The following PISD variants were observed in gnomAD, a reference collection of about 807,000 sequenced individuals.
PISD encodes phosphatidylserine decarboxylase proenzyme, mitochondrial.
Under a neutral mutation model 43.5 loss-of-function variants are expected in PISD, and 31 were observed. The ratio of observed to expected loss-of-function variants is 0.71; its 90% CI spans 0.54 to 0.96. The LOEUF is 0.96. Among genes scored for constraint, PISD ranks in the 40% least tolerant of loss-of-function variants. The pLI, the probability that PISD is intolerant of heterozygous loss-of-function variation, is 0.00. For synonymous variants in PISD, 259 were observed against 228.7 expected (o/e 1.13, Z -1.20); for missense variants, 523 against 548.4 (o/e 0.95, Z 0.46).
chr22:31,621,660 G>C lies in PISD; in HGVS notation c.547C>G (p.Leu183Val). The C allele has an allele frequency of 6.2e-7, 1 of 1,613,620 alleles. No homozygotes were observed. Among genetic ancestry groups the C allele is most frequent in the Non-Finnish European group, 8.5e-7 (1 of 1,179,786 alleles). ...GGGTCAGGCCTCACCACGCTGTGCA[G>C]GCCACAGACAGGCCGGGCCTGCGGC... is the stretch of plus-strand genomic sequence containing the variant. ...LKPQARPVCG[L>V]HSVISPSDGR... is the part of the protein sequence containing the mutation. Residue 183 changes from leucine (L) to valine (V), a missense_variant, in exon 4 of 8, where the codon CTG becomes GTG. Leu to Val is a conservative substitution (Grantham distance 32). Coordinates refer to ENST00000439502, the MANE Select transcript of PISD (RefSeq NM_001326411.2).
intron 3 of PISD, chr22:31,623,871 A>G (rs1234151349): frequency 6.2e-7 from 1 of 1,605,978 alleles, no homozygotes; most frequent in Non-Finnish European, 8.5e-7. Context: ...AGGTCCATGC[A>G]CAGCCAGGTC....
chr22:31,626,304 CG>C (rs1159802259), intron 3 of PISD: 2 of 159,422 alleles, frequency 1.3e-5, no homozygotes, highest in Non-Finnish European at 2.7e-5. Flanking sequence ...TGGCTCCAAA[CG>C]CACAAAGTGG....
chr22:31,650,340 G>A (rs781551030), intron 2 of PISD, among the ~76,000 whole-genome samples: 5 of 151,802 alleles, frequency 3.3e-5, no homozygotes, highest in African/African-American at 2.4e-5. Context: ...TAGCCAGTAT[G>A]CACACAGTCT....
rs2073354211 is a variant in PISD, at chr22:31,634,745, G to GCA, written c.322-12861_322-12860insTG. Among the ~76,000 whole-genome samples the GCA allele has an allele frequency of 4.0e-5, 6 of 148,872 alleles. No homozygotes were observed. The South Asian group carries it at 1.3e-3, about 32-fold the overall frequency. On this transcript the variant is annotated intron_variant, in intron 3 of 7. Coordinates refer to ENST00000439502, the MANE Select transcript of PISD (RefSeq NM_001326411.2). The stretch of plus-strand genomic sequence containing the variant: ...CCCAGCTACTCGGGAGGCTGAGGTG[G>GCA]GAGAATCGCTTGAACCTAGGAAGCA...
chr22:31,661,707 T>TACCTA (rs1197131415), intron 1 of PISD, among the ~76,000 whole-genome samples: 1 of 152,144 alleles, frequency 6.6e-6, no homozygotes, highest in Non-Finnish European at 1.5e-5. Context: ...GTTTTGAGAT[T>TACCTA]ACCTAACCTA....
intron 3 of PISD, among the ~76,000 whole-genome samples, chr22:31,634,368 C>T (rs1313937053): frequency 1.3e-5 from 2 of 152,212 alleles, no homozygotes; most frequent in Non-Finnish European, 2.9e-5. Context: ...TTTCTCTACA[C>T]ACCAGATTCT....
In PISD at chr22:31,621,475, G is replaced by A. The variant is rs1204437436; in HGVS notation, c.559-3C>T. On this transcript the variant is annotated splice_polypyrimidine_tract_variant and splice_region_variant and intron_variant, in intron 4 of 7. Coordinates refer to ENST00000439502, the MANE Select transcript of PISD (RefSeq NM_001326411.2). ...ATCCTTCCATCCGATGGGCTAATCT[G>A]GAAGGGCAGGAGAGGCTTGCTGCCA... The A allele has an allele frequency of 4.3e-6, 7 of 1,613,978 alleles. No homozygotes were observed. Among genetic ancestry groups the A allele is most frequent in the Admixed American group, 1.7e-5 (1 of 60,002 alleles).
rs1200842279 is a variant in PISD at position 31,619,396 on chromosome 22, A to G, written c.*216T>C. Reference sequence around the variant, plus strand: ...GCACTTTTTATTTGTAGGCAGAAGGAACGGGATAGGTTGAGGGGCATGATG... The same window carrying G: ...GCACTTTTTATTTGTAGGCAGAAGGGACGGGATAGGTTGAGGGGCATGATG... On this transcript the variant is annotated 3_prime_UTR_variant, in exon 8 of 8. Transcript: ENST00000439502. The G allele has an allele frequency of 3.1e-5, 20 of 649,642 alleles. No homozygotes were observed. Among genetic ancestry groups the G allele is most frequent in the Non-Finnish European group, 5.4e-5 (19 of 354,046 alleles). 40.2% of individuals were successfully genotyped at this position (649,642 alleles called of 1,614,324 possible). A position where few individuals can be genotyped will look rare whatever the true frequency, so the allele number is the denominator to read the frequency against.
At chr22:31,659,491 G>T (rs567630225) in intron 1 of PISD, among the ~76,000 whole-genome samples, 1 of 152,066 alleles carries the variant, frequency 6.6e-6, no homozygotes, top group Admixed American at 6.6e-5. Flanking sequence ...ACTATTGTCC[G>T]TACTTGCCTG....
At position 31,619,273 on chromosome 22, in the gene PISD, G is replaced by A. The variant is rs544164247; in HGVS notation, c.*339C>T. ...GGGGGGAGGAGCAGCAAGAAAAAAC[G>A]ACAACCGAGACCAACTGAAGGTTCG... is the stretch of plus-strand genomic sequence containing the variant. On this transcript the variant is annotated 3_prime_UTR_variant, in exon 8 of 8. Transcript: ENST00000439502. The A allele has an allele frequency of 4.8e-4, 168 of 349,066 alleles. No individual in the cohort carries two copies. The highest frequency in any genetic ancestry group is 1.0e-3 in the Middle Eastern group (1 of 996). The allele number at this position is 349,066 out of a possible 1,614,324, so 21.6% of individuals were successfully genotyped here.
At chr22:31,657,186 G>A (rs921103700) in intron 1 of PISD, among the ~76,000 whole-genome samples, 3 of 152,154 alleles carry the variant, frequency 2.0e-5, no homozygotes, top group African/African-American at 7.2e-5. Context: ...GCCCAGGCTG[G>A]AGTGCAGTGG....
At chr22:31,655,940 G>C (rs2074158635) in intron 1 of PISD, among the ~76,000 whole-genome samples, 1 of 152,068 alleles carries the variant, frequency 6.6e-6, no homozygotes, top group African/African-American at 2.4e-5. Context: ...CCCAGCCCAG[G>C]ACTCATTTTT....
intron 3 of PISD, chr22:31,625,649 A>T: frequency 7.4e-7 from 1 of 1,351,328 alleles, no homozygotes; most frequent in Non-Finnish European, 1.0e-6. Context: ...TCGGGGGCTG[A>T]CCACCAGTCC....
chr22:31,631,213 C>G (rs1954130816), intron 3 of PISD, among the ~76,000 whole-genome samples: 1 of 152,214 alleles, frequency 6.6e-6, no homozygotes, highest in African/African-American at 2.4e-5. Flanking sequence ...GCAGCTGCCT[C>G]CCCTCCACCA....
chr22:31,659,145 C>T (rs1224611262), intron 1 of PISD, among the ~76,000 whole-genome samples: 3 of 152,106 alleles, frequency 2.0e-5, no homozygotes, highest in African/African-American at 4.8e-5. Context: ...TGAGACACCA[C>T]GCCCAGGCCT....
chr22:31,620,632 C>T lies in PISD; in HGVS notation c.926G>A (p.Gly309Glu). The T allele has an allele frequency of 6.2e-7, 1 of 1,614,230 alleles. No individual in the cohort carries two copies. Among genetic ancestry groups the T allele is most frequent in the Non-Finnish European group, 8.5e-7 (1 of 1,180,040 alleles). The change falls in exon 7 of 8, where the codon GGG (glycine) becomes GAG (glutamate). Residue 309 changes from glycine (G) to glutamate (E), a missense_variant. Physicochemically the swap from Gly to Glu is moderately conservative, Grantham distance 98. Transcript: ENST00000439502. ...TGAGAAGAAGCCATGTTTCCAGTCC[C>T]CCGTCAGGACCACCCGCTCGTTATG... ...FCHNERVVLT[G>E]DWKHGFFSLT...
chr22:31,630,873 G>A lies in PISD; in HGVS notation c.322-8988C>T. 1 of 985,366 alleles carries A rather than the reference G, an allele frequency of 1.0e-6. No homozygotes were observed. Among genetic ancestry groups the A allele is most frequent in the South Asian group, 4.7e-5 (1 of 21,290 alleles). The allele number at this position is 985,366 out of a possible 1,614,324, so 61.0% of individuals were successfully genotyped here. The stretch of plus-strand genomic sequence containing the variant: ...TCCCGGAGCCGGGAAGCCTTGGGGC[G>A]AGTGGGCGGGGCTCGGGCTCCAGCC... On this transcript the variant is annotated intron_variant, in intron 3 of 7. Transcript: ENST00000439502. This position sits in a 1 kb window ranked among gnomAD's most constrained non-coding sequence, Gnocchi z 4.4.
chr22:31,645,220 A>C (rs763552022), intron 3 of PISD, among the ~76,000 whole-genome samples: 47 of 152,186 alleles, frequency 3.1e-4, no homozygotes. Context: ...CTAAAACATA[A>C]ATGAGACCCC....
At chr22:31,621,586 G>A (rs964274611) in intron 4 of PISD, 63 bp downstream of exon 4, 5 of 1,596,200 alleles carry the variant, frequency 3.1e-6, no homozygotes, top group Middle Eastern at 1.7e-4. Context: ...GAGACCAGGG[G>A]GGCTGTGCTG....
Sources: gnomAD v4.1 joint callset for allele counts (sites outside exome capture counted in the v4.1 genomes callset) on GRCh38, gnomAD v4.1.1 for gene constraint, Gnocchi (gnomAD v3.1) non-coding constraint, MANE v1.5 for transcripts, NCBI Gene and HGNC (gene_info 2026-07-23, HGNC 2026-07-21) for gene names.